The following MRTFB variants were observed in gnomAD, a reference collection of about 807,000 sequenced individuals.
MRTFB encodes the protein myocardin-related transcription factor B.
Under a neutral mutation model 104.2 loss-of-function variants are expected in MRTFB, and 29 were observed. The ratio of observed to expected loss-of-function variants is 0.28; its 90% CI spans 0.21 to 0.38. The LOEUF is 0.38. Among genes scored for constraint, MRTFB ranks in the 10% least tolerant of loss-of-function variants. The pLI is 1.00. For missense variants in MRTFB, 1,270 were observed against 1,341.6 expected, an observed-to-expected ratio of 0.95 and a Z score of 0.83; for synonymous variants, 535 against 519.5, an observed-to-expected ratio of 1.03 and a Z score of -0.41.
At chr16:14,234,330 TCTGTCTATAACC>T in intron 9 of MRTFB, 47 bp downstream of exon 9, 1 of 1,604,096 alleles carries the variant, frequency 6.2e-7, no homozygotes, top group Non-Finnish European at 8.5e-7. Flanking sequence ...TATTTGTGAC[TCTGTCTATAACC>T]CTGTGAATGG....
intron 3 of MRTFB, among the ~76,000 whole-genome samples, chr16:14,196,585 T>G (rs1053141103): frequency 6.6e-5 from 10 of 152,252 alleles, no homozygotes; most frequent in African/African-American, 2.2e-4. Flanking sequence ...CTAATTTGAA[T>G]AGTTTTTCAG....
chr16:14,026,419 G>C, the MRTFB span, among the ~76,000 whole-genome samples: 54 of 152,222 alleles, frequency 3.5e-4, no homozygotes, highest in Non-Finnish European at 7.1e-4. Flanking sequence ...TCAGAGCATA[G>C]ATATAAAACA....
At chr16:14,062,124 G>T in the MRTFB span, among the ~76,000 whole-genome samples, 9 of 152,130 alleles carry the variant, frequency 5.9e-5, no homozygotes, top group African/African-American at 2.2e-4. Flanking sequence ...ATAGGGTCTT[G>T]CTCTGTCACC....
intron 3 of MRTFB, among the ~76,000 whole-genome samples, chr16:14,203,902 A>G (rs2151129208): frequency 1.3e-5 from 2 of 152,160 alleles, no homozygotes; most frequent in South Asian, 4.2e-4. Context: ...AAATTTTTGA[A>G]TTAGGGTTAT....
the MRTFB span, among the ~76,000 whole-genome samples, chr16:14,016,439 G>A: frequency 7.4e-4 from 113 of 151,772 alleles, 2 homozygotes; most frequent in Admixed American, 5.6e-3. Flanking sequence ...AGTAACTATC[G>A]ATGATGGATA....
chr16:14,119,951 A>G (rs1407114025), intron 2 of MRTFB, among the ~76,000 whole-genome samples: 2 of 152,168 alleles, frequency 1.3e-5, no homozygotes, highest in Non-Finnish European at 2.9e-5. Flanking sequence ...AGCTCCTGAC[A>G]GCACTGTCTC....
At chr16:14,215,977 G>A (rs1394023987) in intron 6 of MRTFB, among the ~76,000 whole-genome samples, 1 of 152,172 alleles carries the variant, frequency 6.6e-6, no homozygotes, top group African/African-American at 2.4e-5. Flanking sequence ...TCTTTCCAAA[G>A]CATTTAAGTT....
chr16:14,066,525 G>A (rs1309690101), upstream of MRTFB, among the ~76,000 whole-genome samples: 2 of 151,922 alleles, frequency 1.3e-5, no homozygotes, highest in African/African-American at 2.4e-5. Flanking sequence ...TGCCCACCTC[G>A]GCCTCCCAAA....
the MRTFB span, among the ~76,000 whole-genome samples, chr16:14,024,003 A>G: frequency 6.6e-6 from 1 of 151,976 alleles, no homozygotes; most frequent in Non-Finnish European, 1.5e-5. Context: ...GTGAGCCAAG[A>G]TCACACCACT....
the MRTFB span, chr16:14,009,786 T>A: frequency 2.6e-5 from 4 of 152,176 alleles, no homozygotes; most frequent in African/African-American, 9.7e-5. Context: ...TGGTTTGCAA[T>A]GTCGACTTTC....
chr16:14,076,098 A>C (rs2034033067), intron 1 of MRTFB, among the ~76,000 whole-genome samples: 1 of 151,860 alleles, frequency 6.6e-6, no homozygotes, highest in Non-Finnish European at 1.5e-5. Flanking sequence ...TATATAAAAT[A>C]TACATACTAT....
upstream of MRTFB, among the ~76,000 whole-genome samples, chr16:14,068,845 C>T (rs2033547684): frequency 1.3e-5 from 2 of 151,840 alleles, no homozygotes; most frequent in Non-Finnish European, 2.9e-5. Context: ...CTGCCTTCAT[C>T]GCCATCAGTT....
At chr16:14,051,158 A>C in the MRTFB span, among the ~76,000 whole-genome samples, 699 of 152,248 alleles carry the variant, frequency 4.6e-3, 4 homozygotes, top group African/African-American at 0.016. Context: ...AGACAGACAC[A>C]ACAGTACACA....
chr16:14,096,140 G>A (rs1196354003), intron 2 of MRTFB, among the ~76,000 whole-genome samples: 3 of 151,892 alleles, frequency 2.0e-5, no homozygotes, highest in East Asian at 3.9e-4. Context: ...GCAGTGGCGC[G>A]ATCTTGGCCC....
In MRTFB at chr16:14,177,903, GGTGTGTGTGTGTGTGT is replaced by G. The variant is rs142062484; in HGVS notation, c.155-32322_155-32307del. Among the ~76,000 whole-genome samples, 1 of 145,962 alleles carries G rather than the reference GGTGTGTGTGTGTGTGT, an allele frequency of 6.9e-6. No homozygotes were observed. The highest frequency in any genetic ancestry group is 1.5e-5 in the Non-Finnish European group (1 of 65,844). ...CGAGAAGTACATGAACCAGAGGTAG[GGTGTGTGTGTGTGTGT>G]GTGTGTGTGTGTGTGTGCACGCATT... On this transcript the variant is annotated intron_variant, in intron 3 of 16. Coordinates refer to ENST00000571589, the MANE Select transcript of MRTFB (RefSeq NM_001308142.2). This position sits in a 1 kb window ranked among gnomAD's most constrained non-coding sequence, Gnocchi z 4.7.
chr16:14,260,776 T>C (rs1385748410), intron 16 of MRTFB, 133 bp from the exon 17 acceptor site: 1 of 715,790 alleles, frequency 1.4e-6, no homozygotes, highest in East Asian at 2.7e-5. Flanking sequence ...CCAATAGCAT[T>C]CTCTTCCTAC....
At chr16:14,186,010 T>C (rs1008706345) in intron 3 of MRTFB, among the ~76,000 whole-genome samples, 6 of 152,320 alleles carry the variant, frequency 3.9e-5, no homozygotes, top group African/African-American at 1.4e-4. Flanking sequence ...TACTCTGTTA[T>C]GAAATAGAAG....
chr16:14,249,477 T>C (rs1041947894), intron 13 of MRTFB, among the ~76,000 whole-genome samples: 2 of 152,230 alleles, frequency 1.3e-5, no homozygotes, highest in Non-Finnish European at 2.9e-5. Flanking sequence ...ACTCCCAAAA[T>C]GTTTATGCTG....
At chr16:14,036,670 T>C in the MRTFB span, among the ~76,000 whole-genome samples, 1 of 150,966 alleles carries the variant, frequency 6.6e-6, no homozygotes, top group African/African-American at 2.5e-5. Context: ...TTCCATCATA[T>C]ATATAGAAAT....
Sources: allele counts gnomAD v4.1 joint callset (sites outside exome capture counted in the v4.1 genomes callset), GRCh38; gene constraint gnomAD v4.1.1; non-coding constraint Gnocchi (gnomAD v3.1); transcripts MANE v1.5; gene names NCBI Gene and HGNC (gene_info 2026-07-23, HGNC 2026-07-21).